The following INPP5A variants were observed in gnomAD, a reference collection of about 807,000 sequenced individuals.
INPP5A encodes inositol polyphosphate-5-phosphatase A.
In INPP5A, 14 loss-of-function variants were observed where a neutral mutation model predicts 65.2. The ratio of observed to expected loss-of-function variants is 0.21; its 90% CI spans 0.14 to 0.34. The LOEUF (loss-of-function observed/expected upper bound fraction) is 0.34, where lower values mean the gene tolerates loss of function less well. INPP5A is among the 10% of genes least tolerant of loss of function. INPP5A has a pLI of 1.00. For synonymous variants in INPP5A, 207 were observed against 208.3 expected (o/e 0.99, Z 0.05); for missense variants, 431 against 545.6 (o/e 0.79, Z 2.09).
chr10:132,583,855 G>T (rs538963545), intron 1 of INPP5A, among the ~76,000 whole-genome samples: 1 of 152,172 alleles, frequency 6.6e-6, no homozygotes, highest in Non-Finnish European at 1.5e-5. Flanking sequence ...GCCAAGGGGG[G>T]CGGATAGCTT....
rs531016625 is a variant in INPP5A at position 132,688,406 on chromosome 10, A to C, written c.307-1986A>C. 2.0e-5 allele frequency among the ~76,000 whole-genome samples: 3 copies of C among 152,330 alleles called. No individual in the cohort carries two copies. In the East Asian group the frequency reaches 5.8e-4, roughly 29 times the overall value. On this transcript the variant is annotated intron_variant, in intron 4 of 15. Coordinates refer to ENST00000368594, the MANE Select transcript of INPP5A (RefSeq NM_005539.5). ...GTTCCCTGGGAACTGCAGAGCCTGAAGTGTGTGGGACGTTTAGCTTGGGCC... is the reference window on the plus strand; with the variant it reads ...GTTCCCTGGGAACTGCAGAGCCTGACGTGTGTGGGACGTTTAGCTTGGGCC...
chr10:132,650,382 T>C lies in INPP5A; in HGVS notation c.219-36T>C. The C allele has an allele frequency of 6.8e-7, 1 of 1,478,278 alleles. No homozygotes were observed. The highest frequency in any genetic ancestry group is 9.5e-7 in the Non-Finnish European group (1 of 1,056,230). 91.6% of individuals were successfully genotyped at this position (1,478,278 alleles called of 1,614,324 possible). ...TCTCATGAGGTGCAAGGCGTCTGTG[T>C]GGCTTTTCCTCAGGAACCTACTTTC... On this transcript the variant is annotated intron_variant, in intron 3 of 15. Transcript: ENST00000368594. The surrounding 1 kb of genome is among the most constrained non-coding windows in gnomAD (Gnocchi z 5.5).
rs932484512 is a variant in INPP5A at position 132,596,864 on chromosome 10, T to C, written c.76-11051T>C. 3.4e-5 allele frequency among the ~76,000 whole-genome samples: 5 copies of C among 148,276 alleles called. No homozygotes were observed. The South Asian group carries it at 6.6e-4, about 20-fold the overall frequency. ...GTGTGCATGCGTGTGTGTGCATGTG[T>C]GTGCATGTGTGTGCATGCACGTGTG... On this transcript the variant is annotated intron_variant, in intron 1 of 15. Coordinates refer to ENST00000368594, the MANE Select transcript of INPP5A (RefSeq NM_005539.5).
intron 4 of INPP5A, among the ~76,000 whole-genome samples, chr10:132,661,060 G>A (rs2072730184): frequency 6.6e-6 from 1 of 152,162 alleles, no homozygotes; most frequent in Non-Finnish European, 1.5e-5. Context: ...GCCAGTCCTG[G>A]AATGAGGCCT....
intron 8 of INPP5A, among the ~76,000 whole-genome samples, chr10:132,720,772 G>A (rs1436210863): frequency 6.7e-6 from 1 of 149,982 alleles, no homozygotes; most frequent in Non-Finnish European, 1.5e-5. Flanking sequence ...TGCGGGTTCT[G>A]TGGTACCTGG....
intron 6 of INPP5A, among the ~76,000 whole-genome samples, chr10:132,701,983 G>A (rs1397880706): frequency 6.6e-6 from 1 of 152,238 alleles, no homozygotes; most frequent in African/African-American, 2.4e-5. Flanking sequence ...CCCTCTGTGA[G>A]GACTCTCCCT....
At chr10:132,568,594 C>CAA (rs113219823) in intron 1 of INPP5A, among the ~76,000 whole-genome samples, 2,229 of 130,770 alleles carry the variant, frequency 0.017, 29 homozygotes, top group South Asian at 0.042. Context: ...ACTAAAAATA[C>CAA]AAAAAAAAAA....
chr10:132,653,610 C>T (rs766510729), intron 4 of INPP5A, among the ~76,000 whole-genome samples: 7 of 152,212 alleles, frequency 4.6e-5, no homozygotes, highest in Middle Eastern at 3.4e-3. Flanking sequence ...AGGATACAAA[C>T]GCATTCTCTT....
At chr10:132,669,169 C>T (rs377605095) in intron 4 of INPP5A, among the ~76,000 whole-genome samples, 5 of 152,176 alleles carry the variant, frequency 3.3e-5, no homozygotes, top group Non-Finnish European at 7.3e-5. Flanking sequence ...AGGAGAATGG[C>T]GTGAACCCAG....
intron 1 of INPP5A, among the ~76,000 whole-genome samples, chr10:132,574,878 C>T (rs368890187): frequency 2.4e-4 from 36 of 152,074 alleles, no homozygotes; most frequent in Admixed American, 3.9e-4. Context: ...GAGAGCCTTC[C>T]GGAAGCTCTG....
chr10:132,727,175 C>T lies in INPP5A; in HGVS notation c.732+270C>T, dbSNP rs114204334. 506 of 325,980 alleles carry T rather than the reference C, an allele frequency of 1.6e-3. 4 individuals carry two copies. The highest frequency in any genetic ancestry group is 0.01 in the African/African-American group (489 of 47,168). The allele number at this position is 325,980 out of a possible 1,614,324, so 20.2% of individuals were successfully genotyped here. ...TGCCCTGTGGCTTCCGCCGTCGGCA[C>T]ACAAGGAGCTGCTGGAGTGCCGTCA... is the stretch of plus-strand genomic sequence containing the variant. On this transcript the variant is annotated intron_variant, in intron 9 of 15. Transcript: ENST00000368594. This position sits in a 1 kb window ranked among gnomAD's most constrained non-coding sequence, Gnocchi z 6.5.
intron 2 of INPP5A, among the ~76,000 whole-genome samples, chr10:132,624,903 C>T (rs1178070809): frequency 3.9e-5 from 6 of 152,058 alleles, no homozygotes; most frequent in African/African-American, 2.4e-5. Context: ...TGGCATCTGC[C>T]TCTTCTCCCA....
chr10:132,607,910 T>G lies in INPP5A; in HGVS notation c.76-5T>G. 1 of 1,608,816 alleles carries G rather than the reference T, an allele frequency of 6.2e-7. No individual in the cohort carries two copies. Among genetic ancestry groups the G allele is most frequent in the East Asian group, 2.2e-5 (1 of 44,886 alleles). On this transcript the variant is annotated splice_polypyrimidine_tract_variant and splice_region_variant and intron_variant, in intron 1 of 15. Coordinates refer to ENST00000368594, the MANE Select transcript of INPP5A (RefSeq NM_005539.5). ...CTGGCTTTTCTTTTTCTTCTTAATT[T>G]ACAGCCAGAAAACCTGCAGAAGAAC... is the stretch of plus-strand genomic sequence containing the variant.
intron 11 of INPP5A, among the ~76,000 whole-genome samples, chr10:132,765,244 G>A (rs1470808693): frequency 2.0e-5 from 3 of 152,088 alleles, no homozygotes; most frequent in East Asian, 3.9e-4. Flanking sequence ...AGAGTCTCAG[G>A]GGGCAAGGCC....
At chr10:132,639,356 C>T (rs2072398662) in intron 2 of INPP5A, among the ~76,000 whole-genome samples, 2 of 144,534 alleles carry the variant, frequency 1.4e-5, no homozygotes, top group African/African-American at 5.2e-5. Context: ...GTTCCACTGT[C>T]TTTTGGCCTC....
At chr10:132,669,962 C>T (rs1318998724) in intron 4 of INPP5A, among the ~76,000 whole-genome samples, 1 of 151,918 alleles carries the variant, frequency 6.6e-6, no homozygotes, top group Non-Finnish European at 1.5e-5. Context: ...AAACTCTTAT[C>T]TTCTCTTGGG....
At chr10:132,687,135 G>A (rs1388466012) in intron 4 of INPP5A, among the ~76,000 whole-genome samples, 1 of 152,150 alleles carries the variant, frequency 6.6e-6, no homozygotes, top group Non-Finnish European at 1.5e-5. Context: ...AGTAAAGACG[G>A]GGTTTCACCA....
In INPP5A at chr10:132,697,931, G is replaced by C. The variant is rs201004372; in HGVS notation, c.474+12G>C. 1.5e-3 allele frequency: 2,394 copies of C among 1,568,764 alleles called. No homozygotes were observed. The highest frequency in any genetic ancestry group is 2.0e-3 in the Non-Finnish European group (2,269 of 1,139,828). ...ACTACTTCCCCGAGGTACGTAGCGA[G>C]GCTTTCTCACTGACGTGTTTACTTC... On this transcript the variant is annotated intron_variant, in intron 6 of 15. Transcript: ENST00000368594. The surrounding 1 kb of genome is among the most constrained non-coding windows in gnomAD (Gnocchi z 5.6).
At chr10:132,621,801 A>T (rs1403529321) in intron 2 of INPP5A, among the ~76,000 whole-genome samples, 21 of 142,354 alleles carry the variant, frequency 1.5e-4, no homozygotes, top group Admixed American at 7.0e-4. Flanking sequence ...TTTTTTTTTT[A>T]AATCTGTGTA....
Sources: allele counts gnomAD v4.1 joint callset (sites outside exome capture counted in the v4.1 genomes callset), GRCh38; gene constraint gnomAD v4.1.1; non-coding constraint Gnocchi (gnomAD v3.1); transcripts MANE v1.5; gene names NCBI Gene and HGNC (gene_info 2026-07-23, HGNC 2026-07-21).